TPRG1: variants seen among roughly 807,000 people sequenced by gnomAD.
TPRG1 encodes tumor protein p63-regulated gene 1 protein.
TPRG1 carries 29 observed loss-of-function variants against 29.3 expected under a neutral mutation model. That is an observed-to-expected ratio of 0.99 (90% CI 0.74 to 1.35). The LOEUF (loss-of-function observed/expected upper bound fraction) is 1.35, where lower values mean the gene tolerates loss of function less well. Among genes scored for constraint, TPRG1 ranks in the 40% most tolerant of loss-of-function variants. The pLI, the probability that TPRG1 is intolerant of heterozygous loss-of-function variation, is 0.00. For synonymous variants in TPRG1, 130 were observed against 116.8 expected, an observed-to-expected ratio of 1.11 and a Z score of -0.73; for missense variants, 327 against 335.0, an observed-to-expected ratio of 0.98 and a Z score of 0.19.
At chr3:189,235,304 G>T (rs1200198783) in intron 3 of TPRG1, among the ~76,000 whole-genome samples, 1 of 148,884 alleles carries the variant, frequency 6.7e-6, no homozygotes, top group Admixed American at 6.8e-5. Flanking sequence ...AAGTAAATCA[G>T]GTTTGGGTGA....
At chr3:189,098,190 T>C (rs1718810811), upstream of TPRG1, among the ~76,000 whole-genome samples, 1 of 151,778 alleles carries the variant, frequency 6.6e-6, no homozygotes, top group Admixed American at 6.6e-5. Flanking sequence ...GGGAAAGTAC[T>C]AGAGGAAACA....
chr3:189,101,940 TA>T (rs1719254254), intron 1 of TPRG1, among the ~76,000 whole-genome samples: 1 of 152,148 alleles, frequency 6.6e-6, no homozygotes, highest in African/African-American at 2.4e-5. Context: ...GCTATTGTTT[TA>T]TTTTAATTTT....
At chr3:189,136,834 C>T (rs948862087) in intron 3 of TPRG1, among the ~76,000 whole-genome samples, 7 of 152,156 alleles carry the variant, frequency 4.6e-5, no homozygotes, top group Non-Finnish European at 1.0e-4. Flanking sequence ...GTGTAGACCA[C>T]TACAGGATTT....
chr3:189,293,056 C>T (rs993296400), intron 4 of TPRG1, among the ~76,000 whole-genome samples: 1 of 152,156 alleles, frequency 6.6e-6, no homozygotes, highest in Non-Finnish European at 1.5e-5. Context: ...AGAGCTTGGG[C>T]TCAGTTTAGA....
At chr3:189,007,003 A>G (rs1174804572) in intron 3 of TPRG1, among the ~76,000 whole-genome samples, 8 of 152,184 alleles carry the variant, frequency 5.3e-5, no homozygotes, top group South Asian at 4.1e-4. Flanking sequence ...CTTCATGTGC[A>G]AAACACCAAA....
At chr3:189,132,621 T>G (rs1401973562) in exon 3 of TPRG1, 1 of 152,178 alleles carries the variant, frequency 6.6e-6, no homozygotes, top group Admixed American at 6.6e-5. Context: ...AAGGAAACAT[T>G]GCTCAGATTG....
chr3:189,219,724 C>T, intron 3 of TPRG1: 1 of 1,240,012 alleles, frequency 8.1e-7, no homozygotes, highest in East Asian at 6.1e-5. Context: ...CAGCATCTTC[C>T]CTCCACACAC....
intron 4 of TPRG1, among the ~76,000 whole-genome samples, chr3:189,276,847 T>C (rs1716236154): frequency 6.6e-6 from 1 of 152,202 alleles, no homozygotes; most frequent in Non-Finnish European, 1.5e-5. Flanking sequence ...GGCAGGGTTT[T>C]TCGAAACACC....
chr3:189,267,824 A>C (rs1273375016), intron 4 of TPRG1: 1 of 152,212 alleles, frequency 6.6e-6, no homozygotes. Context: ...CTATAGCACA[A>C]CATTAGTATA....
chr3:189,071,222 G>A (rs1716795510), intron 4 of TPRG1, among the ~76,000 whole-genome samples: 1 of 152,110 alleles, frequency 6.6e-6, no homozygotes, highest in Admixed American at 6.6e-5. Flanking sequence ...CACTATGTGT[G>A]GGTGGTTCCA....
intron 2 of TPRG1, among the ~76,000 whole-genome samples, chr3:189,002,941 A>C (rs1712102548): frequency 1.3e-5 from 2 of 152,166 alleles, no homozygotes; most frequent in Non-Finnish European, 2.9e-5. Flanking sequence ...TAATACATGA[A>C]AAACATTTAA....
chr3:189,140,913 G>A (rs774590502), intron 3 of TPRG1, among the ~76,000 whole-genome samples: 21 of 152,016 alleles, frequency 1.4e-4, no homozygotes, highest in African/African-American at 2.4e-4. Context: ...GCTGAGTGCC[G>A]TGTTTGCAGC....
chr3:189,153,978 G>T (rs1011909361), intron 5 of TPRG1, among the ~76,000 whole-genome samples: 1 of 152,338 alleles, frequency 6.6e-6, no homozygotes, highest in East Asian at 1.9e-4. Flanking sequence ...CATCATTGCA[G>T]CCATTCTAAG....
At position 189,062,401 on chromosome 3, in the gene TPRG1, A is replaced by G. The variant is rs112907021; in HGVS notation, c.-463+38455A>G. 8.2e-4 allele frequency among the ~76,000 whole-genome samples: 125 copies of G among 152,298 alleles called. 1 individual carries two copies. The highest frequency in any genetic ancestry group is 2.6e-3 in the African/African-American group (109 of 41,566). On this transcript the variant is annotated intron_variant, in intron 4 of 10. Transcript: ENST00000433971. ...AAACCCTGGCGACATGAGTTTAACT[A>G]TATGTCAAACCTGAATATGTATCCC...
intron 4 of TPRG1, among the ~76,000 whole-genome samples, chr3:189,250,783 T>C (rs1165198460): frequency 6.6e-6 from 1 of 151,170 alleles, no homozygotes; most frequent in African/African-American, 2.4e-5. Context: ...GATTTAATCT[T>C]AGTACCCACT....
chr3:189,292,295 T>TA (rs1369599933), intron 4 of TPRG1, among the ~76,000 whole-genome samples: 5 of 150,560 alleles, frequency 3.3e-5, no homozygotes, highest in African/African-American at 1.2e-4. Flanking sequence ...GTTTTTGCTT[T>TA]TTTTTTTTTT....
At chr3:189,019,860 C>T (rs1713193901) in intron 3 of TPRG1, among the ~76,000 whole-genome samples, 2 of 150,098 alleles carry the variant, frequency 1.3e-5, no homozygotes, top group Non-Finnish European at 3.0e-5. Context: ...TCCATCTGGT[C>T]CTGGACTCTT....
In TPRG1 at chr3:189,289,312, C is replaced by G. The variant is rs115755259; in HGVS notation, c.480-21074C>G. ...TTCTTTCTCCCCCCGACCCCAAATC[C>G]AATCAGGTTGTCAAATTCAATCAAG... On this transcript the variant is annotated intron_variant, in intron 4 of 5. Coordinates refer to ENST00000345063, the MANE Select transcript of TPRG1 (RefSeq NM_198485.4). 7.3e-3 allele frequency among the ~76,000 whole-genome samples: 1,118 copies of G among 152,260 alleles called. 13 individuals are homozygous for G. Among genetic ancestry groups the G allele is most frequent in the Middle Eastern group, 0.045 (13 of 290 alleles).
intron 4 of TPRG1, among the ~76,000 whole-genome samples, chr3:189,284,631 T>C (rs1717744153): frequency 6.6e-6 from 1 of 152,162 alleles, no homozygotes; most frequent in African/African-American, 2.4e-5. Flanking sequence ...TGGTTCCAAG[T>C]CTTTGCTATT....
Sources: gnomAD v4.1 joint callset for allele counts (sites outside exome capture counted in the v4.1 genomes callset) on GRCh38, gnomAD v4.1.1 for gene constraint, MANE v1.5 for transcripts, NCBI Gene and HGNC (gene_info 2026-07-23, HGNC 2026-07-21) for gene names.